DSCAM: variants seen among roughly 807,000 people sequenced by gnomAD.
DSCAM encodes the protein DS cell adhesion molecule, also known as cell adhesion molecule DSCAM.
A neutral mutation model predicts 217.7 loss-of-function variants in DSCAM; 47 were observed. That is an observed-to-expected ratio of 0.22 (90% CI 0.17 to 0.28). DSCAM has a LOEUF of 0.28. Ranked by LOEUF, DSCAM falls within the 10% of genes least tolerant of loss-of-function variation. DSCAM has a pLI of 1.00. For missense variants in DSCAM, 2,080 were observed against 2,618.3 expected (o/e 0.79, Z 4.49); for synonymous variants, 1,056 against 1,015.3 (o/e 1.04, Z -0.76).
At chr21:40,479,276 C>T (rs944346626) in intron 3 of DSCAM, among the ~76,000 whole-genome samples, 1 of 152,188 alleles carries the variant, frequency 6.6e-6, no homozygotes, top group Non-Finnish European at 1.5e-5. Flanking sequence ...TCTTACTACC[C>T]TATAAAGCCC....
At chr21:40,687,469 G>A (rs1359390339) in intron 3 of DSCAM, among the ~76,000 whole-genome samples, 2 of 152,146 alleles carry the variant, frequency 1.3e-5, no homozygotes, top group East Asian at 1.9e-4. Context: ...AGAAAGGGAA[G>A]GTTAACTTCT....
At chr21:40,788,338 CTTGTT>C (rs1161644556) in intron 1 of DSCAM, among the ~76,000 whole-genome samples, 1 of 152,074 alleles carries the variant, frequency 6.6e-6, no homozygotes, top group Non-Finnish European at 1.5e-5. Flanking sequence ...TCTATCCTTA[CTTGTT>C]TTGTTTGTAA....
At chr21:40,799,425 A>T (rs2091719390) in intron 1 of DSCAM, among the ~76,000 whole-genome samples, 1 of 152,236 alleles carries the variant, frequency 6.6e-6, no homozygotes, top group Non-Finnish European at 1.5e-5. Context: ...ATTATTCTAC[A>T]GTATTAGATT....
chr21:40,193,418 A>C (rs942744380), intron 11 of DSCAM, among the ~76,000 whole-genome samples: 12 of 152,338 alleles, frequency 7.9e-5, no homozygotes, highest in Non-Finnish European at 1.3e-4. Flanking sequence ...CCTAAATTAC[A>C]AAACTGTGAA....
chr21:40,635,309 G>A (rs1198102206), intron 3 of DSCAM, among the ~76,000 whole-genome samples: 3 of 152,230 alleles, frequency 2.0e-5, no homozygotes, highest in Non-Finnish European at 4.4e-5. Context: ...AAATGCTGGT[G>A]TGCGGGCCAG....
chr21:40,403,939 A>G (rs970538851), intron 3 of DSCAM, among the ~76,000 whole-genome samples: 1 of 152,204 alleles, frequency 6.6e-6, no homozygotes, highest in African/African-American at 2.4e-5. Flanking sequence ...ATCATTCATC[A>G]TCATCATGAT....
At chr21:40,796,606 T>C (rs2091694136) in intron 1 of DSCAM, among the ~76,000 whole-genome samples, 1 of 152,182 alleles carries the variant, frequency 6.6e-6, no homozygotes, top group Non-Finnish European at 1.5e-5. Flanking sequence ...CTGCTGTCTC[T>C]GTCTTGCAAG....
rs371171877 is a variant in DSCAM, at chr21:40,187,156, G to A, written c.2754C>T (p.Tyr918=). 431 of 1,613,936 alleles carry A rather than the reference G, an allele frequency of 2.7e-4. 1 individual carries two copies. The African/African-American group carries it at 3.3e-3, about 12-fold the overall frequency. Residue 918 remains tyrosine, a synonymous_variant, in exon 14 of 33, where the codon TAC becomes TAT. Transcript: ENST00000400454. ...GFDGNSPITG[Y]DIECKNKSDS... Reference sequence around the variant, plus strand: ...CTGATTTATTTTTGCATTCAATATCGTAGCCTGTGATGGGACTGTTTCCAT... The same window carrying A: ...CTGATTTATTTTTGCATTCAATATCATAGCCTGTGATGGGACTGTTTCCAT...
chr21:40,608,078 A>G (rs1284937581), intron 3 of DSCAM, among the ~76,000 whole-genome samples: 1 of 152,208 alleles, frequency 6.6e-6, no homozygotes, highest in Non-Finnish European at 1.5e-5. Flanking sequence ...TTCAAAAGAC[A>G]GAATTATCAC....
chr21:40,752,547 T>C (rs2091239390), intron 1 of DSCAM, among the ~76,000 whole-genome samples: 2 of 152,152 alleles, frequency 1.3e-5, no homozygotes, highest in South Asian at 4.1e-4. Context: ...ATAGATTGGG[T>C]GCAGGGACTT....
chr21:40,403,066 A>C (rs1006958740), intron 3 of DSCAM, among the ~76,000 whole-genome samples: 2 of 152,134 alleles, frequency 1.3e-5, no homozygotes, highest in African/African-American at 2.4e-5. Flanking sequence ...CACTTCCAAT[A>C]ACATGCCAAC....
At chr21:40,475,029 T>C (rs34181940) in intron 3 of DSCAM, among the ~76,000 whole-genome samples, 3,389 of 152,130 alleles carry the variant, frequency 0.022, 53 homozygotes, top group Middle Eastern at 0.051. Flanking sequence ...TCAGTAGGCT[T>C]GCTGTTGCCT....
At chr21:40,495,217 C>G (rs962279749) in intron 3 of DSCAM, among the ~76,000 whole-genome samples, 4 of 152,074 alleles carry the variant, frequency 2.6e-5, no homozygotes, top group Admixed American at 2.6e-4. Flanking sequence ...GTGAAGCTTG[C>G]AACTCATTTA....
At chr21:40,092,360 G>C (rs1282315801) in intron 21 of DSCAM, among the ~76,000 whole-genome samples, 1 of 152,184 alleles carries the variant, frequency 6.6e-6, no homozygotes, top group East Asian at 1.9e-4. Context: ...AAGCCACTGA[G>C]ATTTAGGGAA....
intron 20 of DSCAM, among the ~76,000 whole-genome samples, chr21:40,100,290 C>A (rs1030939042): frequency 6.6e-6 from 1 of 152,026 alleles, no homozygotes; most frequent in Non-Finnish European, 1.5e-5. Flanking sequence ...TGTAGTGGAG[C>A]CAATCTAGTT....
intron 1 of DSCAM, among the ~76,000 whole-genome samples, chr21:40,763,715 C>G (rs2091359371): frequency 6.6e-6 from 1 of 152,120 alleles, no homozygotes; most frequent in Non-Finnish European, 1.5e-5. Context: ...CTACCATAAC[C>G]AAAACAGCAT....
chr21:40,670,297 T>C (rs1172857527), intron 3 of DSCAM, among the ~76,000 whole-genome samples: 5 of 152,144 alleles, frequency 3.3e-5, no homozygotes. Context: ...GTAACCACCG[T>C]TCTAACTTTC....
chr21:40,081,718 G>C (rs546109006), intron 24 of DSCAM, among the ~76,000 whole-genome samples: 1 of 152,210 alleles, frequency 6.6e-6, no homozygotes, highest in East Asian at 1.9e-4. Context: ...ATAGTTCCCT[G>C]TCCCCTGCTA....
At chr21:40,805,597 G>C (rs1176829887) in intron 1 of DSCAM, among the ~76,000 whole-genome samples, 1 of 152,148 alleles carries the variant, frequency 6.6e-6, no homozygotes, top group Non-Finnish European at 1.5e-5. Context: ...CCAGGCCTAA[G>C]GATGGTGGCA....
Sources: allele counts gnomAD v4.1 joint callset (sites outside exome capture counted in the v4.1 genomes callset), GRCh38; gene constraint gnomAD v4.1.1; transcripts MANE v1.5; gene names NCBI Gene and HGNC (gene_info 2026-07-23, HGNC 2026-07-21).